The following LOXHD1 variants were observed in gnomAD, a reference collection of about 807,000 sequenced individuals.
The protein encoded by LOXHD1 is lipoxygenase homology domain-containing protein 1.
In LOXHD1, 205 loss-of-function variants were observed where a neutral mutation model predicts 248.2. The ratio of observed to expected loss-of-function variants is 0.83; its 90% CI spans 0.74 to 0.93. LOXHD1 has a LOEUF of 0.93. Ranked by LOEUF, LOXHD1 falls within the 40% of genes least tolerant of loss-of-function variation. The probability of loss-of-function intolerance (pLI) is 0.00; values close to 1 mark genes in which losing one functional copy is unlikely to be tolerated. For synonymous variants in LOXHD1, 1,113 were observed against 1,162.8 expected, an observed-to-expected ratio of 0.96 and a Z score of 0.87; for missense variants, 2,930 against 2,971.6, an observed-to-expected ratio of 0.99 and a Z score of 0.33.
chr18:46,616,674 T>C, intron 5 of LOXHD1, among the ~76,000 whole-genome samples: 1 of 152,250 alleles, frequency 6.6e-6, no homozygotes, highest in Non-Finnish European at 1.5e-5. Flanking sequence ...TATTTATCTT[T>C]GTTTGCATAG....
chr18:46,477,414 T>C lies in LOXHD1; in HGVS notation c.*58A>G. 1.3e-6 allele frequency: 2 copies of C among 1,529,274 alleles called. No homozygotes were observed. Among genetic ancestry groups the C allele is most frequent in the Non-Finnish European group, 1.8e-6 (2 of 1,134,800 alleles). The allele number at this position is 1,529,274 out of a possible 1,614,324, so 94.7% of individuals were successfully genotyped here. ...TTTGAAGGGCTGCTGACCGCCAAGGTGGAGGGCAGAAATGTGAGATTGGGG... is the reference window on the plus strand; with the variant it reads ...TTTGAAGGGCTGCTGACCGCCAAGGCGGAGGGCAGAAATGTGAGATTGGGG... On this transcript the variant is annotated 3_prime_UTR_variant, in exon 41 of 41. Coordinates refer to ENST00000642948, the MANE Select transcript of LOXHD1 (RefSeq NM_001384474.1).
chr18:46,481,998 G>A (rs1055078029), intron 40 of LOXHD1, among the ~76,000 whole-genome samples: 3 of 152,194 alleles, frequency 2.0e-5, no homozygotes, highest in Non-Finnish European at 4.4e-5. Flanking sequence ...CTTGTGGATG[G>A]GAGGTAGTAC....
intron 29 of LOXHD1, among the ~76,000 whole-genome samples, chr18:46,526,445 T>C (rs1296165316): frequency 6.6e-6 from 1 of 152,262 alleles, no homozygotes; most frequent in Non-Finnish European, 1.5e-5. Flanking sequence ...ATGCCTTTTA[T>C]GTATAACAGT....
chr18:46,580,955 C>T (rs969328135), intron 12 of LOXHD1, among the ~76,000 whole-genome samples: 3 of 152,122 alleles, frequency 2.0e-5, no homozygotes, highest in Non-Finnish European at 4.4e-5. Context: ...CGGAGGTGGA[C>T]AGGAGCTGGA....
rs1489843321 is a variant in LOXHD1 at position 46,477,379 on chromosome 18, T to A, written c.*93A>T. 1 of 1,508,774 alleles carries A rather than the reference T, an allele frequency of 6.6e-7. No homozygotes were observed. The allele number at this position is 1,508,774 out of a possible 1,614,324, so 93.5% of individuals were successfully genotyped here. A position where few individuals can be genotyped will look rare whatever the true frequency, so the allele number is the denominator to read the frequency against. On this transcript the variant is annotated 3_prime_UTR_variant, in exon 41 of 41. Transcript: ENST00000642948. ...GTGGACTGCTAGCCCCCAGTGCCAA[T>A]GCTAGAGGCTTTGAAGGGCTGCTGA...
At chr18:46,515,564 A>G (rs1222354871) in intron 34 of LOXHD1, among the ~76,000 whole-genome samples, 1 of 152,234 alleles carries the variant, frequency 6.6e-6, no homozygotes, top group East Asian at 1.9e-4. Flanking sequence ...TTTGGAATTT[A>G]GATACTTCCA....
rs779889742 is a variant in LOXHD1, at chr18:46,542,713, G to A, written c.3748+14C>T. ...TAAAGTCTTAGCAAGGAACAGAGGG[G>A]AGGGAAGCCACACCTGTGTTGTCAT... is the stretch of plus-strand genomic sequence containing the variant. On this transcript the variant is annotated intron_variant, in intron 24 of 40. Coordinates refer to ENST00000642948, the MANE Select transcript of LOXHD1 (RefSeq NM_001384474.1). 5.3e-5 allele frequency: 82 copies of A among 1,551,446 alleles called. No homozygotes were observed. The highest frequency in any genetic ancestry group is 5.1e-4 in the Middle Eastern group (3 of 5,838).
intron 11 of LOXHD1, 89 bp downstream of exon 11, chr18:46,592,408 GA>G: frequency 8.9e-7 from 1 of 1,118,544 alleles, no homozygotes; most frequent in Non-Finnish European, 1.3e-6. Context: ...AATAAATACA[GA>G]GGCAAATTTA....
At chr18:46,579,322 A>G (rs1048640352) in intron 13 of LOXHD1, among the ~76,000 whole-genome samples, 1 of 152,158 alleles carries the variant, frequency 6.6e-6, no homozygotes, top group Admixed American at 6.5e-5. Context: ...GGGGAGAACC[A>G]TAATCCCTCT....
At chr18:46,623,230 C>T (rs1400741071) in intron 4 of LOXHD1, among the ~76,000 whole-genome samples, 1 of 152,200 alleles carries the variant, frequency 6.6e-6, no homozygotes, top group Non-Finnish European at 1.5e-5. Context: ...ACACACAAAT[C>T]TACAAGCTCT....
intron 37 of LOXHD1, among the ~76,000 whole-genome samples, chr18:46,502,105 T>A (rs1455081348): frequency 6.6e-6 from 1 of 152,252 alleles, no homozygotes; most frequent in Non-Finnish European, 1.5e-5. Context: ...GCTTTGCTAT[T>A]GAGAAGCAAA....
At chr18:46,569,732 G>C in intron 15 of LOXHD1, 94 bp from the exon 16 acceptor site, 1 of 991,316 alleles carries the variant, frequency 1.0e-6, no homozygotes, top group Non-Finnish European at 1.5e-6. Flanking sequence ...CCTGGAGCTG[G>C]AGGTTTGTGG....
At position 46,592,039 on chromosome 18, in the gene LOXHD1, G is replaced by T; in HGVS notation, c.1548C>A (p.Asp516Glu). The change falls in exon 12 of 41, where the codon GAC (aspartate) becomes GAA (glutamate). Residue 516 changes from aspartate (D) to glutamate (E), a missense_variant. Physicochemically the swap from Asp to Glu is conservative, Grantham distance 45 (BLOSUM62 2). Transcript: ENST00000642948. ...RMTLMNTLNK[D>E]KYNFNCNRWL... ...AGCGGTTGCAATTGAAGTTGTACTT[G>T]TCTTTGTTCAGAGTGTTCATCAGGG... The T allele has an allele frequency of 6.4e-7, 1 of 1,552,278 alleles. No homozygotes were observed. The highest frequency in any genetic ancestry group is 8.7e-7 in the Non-Finnish European group (1 of 1,147,096).
At chr18:46,654,149 C>T (rs1035956561) in intron 1 of LOXHD1, among the ~76,000 whole-genome samples, 3 of 152,186 alleles carry the variant, frequency 2.0e-5, no homozygotes, top group African/African-American at 7.2e-5. Flanking sequence ...GGGAACACAG[C>T]AAGAAAGTTC....
At chr18:46,493,974 G>T (rs1213491043) in intron 37 of LOXHD1, among the ~76,000 whole-genome samples, 1 of 152,126 alleles carries the variant, frequency 6.6e-6, no homozygotes, top group Non-Finnish European at 1.5e-5. Flanking sequence ...GCATCCCTTT[G>T]GCATTTCCTT....
chr18:46,508,799 G>C (rs2034755021), intron 35 of LOXHD1, among the ~76,000 whole-genome samples: 1 of 152,220 alleles, frequency 6.6e-6, no homozygotes, highest in African/African-American at 2.4e-5. Flanking sequence ...GGGGTCTCCA[G>C]CTTTGGAGCC....
chr18:46,612,181 G>T (rs1182877817), intron 5 of LOXHD1, among the ~76,000 whole-genome samples: 2 of 152,166 alleles, frequency 1.3e-5, no homozygotes, highest in Non-Finnish European at 2.9e-5. Context: ...GCTATTGCAA[G>T]CAGCACTAAA....
intron 17 of LOXHD1, 39 bp downstream of exon 17, chr18:46,566,218 G>T: frequency 1.3e-6 from 2 of 1,518,540 alleles, no homozygotes; most frequent in South Asian, 1.3e-5. Context: ...CATCCCCCAT[G>T]GGAAACAATG....
Position 46,559,618 on chromosome 18 carries a change from G to A in LOXHD1, c.3062-16C>T, listed in dbSNP as rs1418032753. ...TAGGTGTTTCCTGTAGACACAGAAAGATGCAGTGTGGAGGGCCTCATGGCC... is the reference window on the plus strand; with the variant it reads ...TAGGTGTTTCCTGTAGACACAGAAAAATGCAGTGTGGAGGGCCTCATGGCC... On this transcript the variant is annotated splice_polypyrimidine_tract_variant and intron_variant, in intron 19 of 40. Coordinates refer to ENST00000642948, the MANE Select transcript of LOXHD1 (RefSeq NM_001384474.1). 1 of 1,550,840 alleles carries A rather than the reference G, an allele frequency of 6.4e-7. No individual in the cohort carries two copies. Among genetic ancestry groups the A allele is most frequent in the African/African-American group, 1.4e-5 (1 of 73,152 alleles).
Sources: allele counts gnomAD v4.1 joint callset (sites outside exome capture counted in the v4.1 genomes callset), GRCh38; gene constraint gnomAD v4.1.1; transcripts MANE v1.5; gene names NCBI Gene and HGNC (gene_info 2026-07-23, HGNC 2026-07-21).